Variants in BAIAP2L1 observed in about 807,000 individuals in gnomAD.
BAIAP2L1 encodes the protein BAR/IMD domain-containing adapter protein 2-like 1.
BAIAP2L1 carries 35 observed loss-of-function variants against 66.3 expected under a neutral mutation model. That is an observed-to-expected ratio of 0.53 (90% CI 0.40 to 0.70). The LOEUF (loss-of-function observed/expected upper bound fraction) is 0.70. BAIAP2L1 is among the 30% of genes least tolerant of loss of function. The pLI, the probability that BAIAP2L1 is intolerant of heterozygous loss-of-function variation, is 0.00. For missense variants in BAIAP2L1, 622 were observed against 656.9 expected (o/e 0.95, Z 0.58); for synonymous variants, 269 against 248.7 (o/e 1.08, Z -0.77).
chr7:98,332,809 C>CCAAAA (rs563501880), intron 3 of BAIAP2L1, among the ~76,000 whole-genome samples: 1 of 83,706 alleles, frequency 1.2e-5, no homozygotes, highest in African/African-American at 4.8e-5. Context: ...ACTTCGTCCC[C>CCAAAA]AAAAAAAAAA....
intron 12 of BAIAP2L1, among the ~76,000 whole-genome samples, chr7:98,302,305 A>C (rs1228357633): frequency 1.3e-5 from 2 of 152,214 alleles, no homozygotes; most frequent in Admixed American, 1.3e-4. Context: ...AAGACTATCC[A>C]GGGTTGGCCA....
chr7:98,314,655 A>G (rs969030879), intron 7 of BAIAP2L1, among the ~76,000 whole-genome samples: 4 of 152,160 alleles, frequency 2.6e-5, no homozygotes, highest in African/African-American at 9.7e-5. Context: ...AGAGGAATGA[A>G]CGCATCACTG....
chr7:98,366,936 G>A (rs1014511687), intron 1 of BAIAP2L1, among the ~76,000 whole-genome samples: 6 of 152,072 alleles, frequency 3.9e-5, no homozygotes, highest in Non-Finnish European at 7.3e-5. Flanking sequence ...CTGTCACACA[G>A]GCTGGCGTGC....
chr7:98,322,490 G>A (rs920321959), intron 3 of BAIAP2L1, among the ~76,000 whole-genome samples: 1 of 152,134 alleles, frequency 6.6e-6, no homozygotes, highest in Non-Finnish European at 1.5e-5. Context: ...ACAATCCCTT[G>A]GGGATAGGAG....
intron 1 of BAIAP2L1, among the ~76,000 whole-genome samples, chr7:98,378,118 C>A (rs570092424): frequency 6.6e-6 from 1 of 152,038 alleles, no homozygotes; most frequent in Non-Finnish European, 1.5e-5. Flanking sequence ...CATTGCACTC[C>A]AGCCTGGGTG....
In BAIAP2L1 at chr7:98,291,719, C is replaced by T. The variant is rs909001436; in HGVS notation, c.*1802G>A. The stretch of plus-strand genomic sequence containing the variant: ...ATTTACAGAGCAGGCACCTCGGTGC[C>T]AAGGACCAGGCCATGCCCGTTCTGG... On this transcript the variant is annotated 3_prime_UTR_variant, in exon 14 of 14. Coordinates refer to ENST00000005260, the MANE Select transcript of BAIAP2L1 (RefSeq NM_018842.5). The T allele has an allele frequency of 9.6e-6, 2 of 208,798 alleles. No individual in the cohort carries two copies. The highest frequency in any genetic ancestry group is 4.7e-5 in the African/African-American group (2 of 42,456). The allele number at this position is 208,798 out of a possible 1,614,324, so 12.9% of individuals were successfully genotyped here. A position where few individuals can be genotyped will look rare whatever the true frequency, so the allele number is the denominator to read the frequency against.
In BAIAP2L1 at chr7:98,304,251, G is replaced by C; in HGVS notation, c.1367C>G (p.Ala456Gly). Residue 456 changes from alanine (A) to glycine (G), a missense_variant, in exon 12 of 14, where the codon GCC (alanine) becomes GGC (glycine). Physicochemically the swap from Ala to Gly is moderately conservative, Grantham distance 60. Coordinates refer to ENST00000005260, the MANE Select transcript of BAIAP2L1 (RefSeq NM_018842.5). ...GGCCTTAAAGGTGGATGTCGTCCTG[G>C]CCGAATCTGCTCTCCTGTCGGCAGC... ...GAAADRRADS[A>G]RTTSTFKAPA... 1 of 1,613,458 alleles carries C rather than the reference G, an allele frequency of 6.2e-7. No individual in the cohort carries two copies. Among genetic ancestry groups the C allele is most frequent in the Middle Eastern group, 1.7e-4 (1 of 6,060 alleles).
chr7:98,334,436 TAACTCAAAAC>T (rs1801566809), intron 3 of BAIAP2L1, among the ~76,000 whole-genome samples: 1 of 152,178 alleles, frequency 6.6e-6, no homozygotes, highest in African/African-American at 2.4e-5. Flanking sequence ...TTTTTTTTAA[TAACTCAAAAC>T]CTTTTAGTCC....
chr7:98,307,766 T>C lies in BAIAP2L1; in HGVS notation c.1086A>G (p.Ala362=). The C allele has an allele frequency of 6.2e-7, 1 of 1,614,250 alleles. No individual in the cohort carries two copies. The highest frequency in any genetic ancestry group is 1.7e-5 in the Admixed American group (1 of 60,026). ...AGSNKTLLSF[A]QGDVITLLIP... is the part of the protein sequence containing the mutation. Reference sequence around the variant, plus strand: ...TGAGCAGCGTGATGACATCTCCCTGTGCAAAGCTGAGTAAGGTCTTGTTGG... The same window carrying C: ...TGAGCAGCGTGATGACATCTCCCTGCGCAAAGCTGAGTAAGGTCTTGTTGG... The change falls in exon 10 of 14, where the codon GCA becomes GCG. Residue 362 remains alanine, a synonymous_variant. Transcript: ENST00000005260.
rs750099451 is a variant in BAIAP2L1 at position 98,389,918 on chromosome 7, ATTT to A, written c.51+10881_51+10883del. On this transcript the variant is annotated intron_variant, in intron 1 of 13. Transcript: ENST00000005260. ...TGCACGTGTAGTCTTGGGTTAGTAA[ATTT>A]TTTTTTTTTTTTGAGAGGTAGTCTC... Among the ~76,000 whole-genome samples the A allele has an allele frequency of 6.9e-4, 90 of 129,796 alleles. 1 individual carries two copies. The highest frequency in any genetic ancestry group is 2.3e-3 in the African/African-American group (86 of 36,956). The allele number at this position is 129,796 out of a possible 152,430, so 85.2% of individuals were successfully genotyped here.
At chr7:98,337,233 C>A (rs921780239) in intron 3 of BAIAP2L1, among the ~76,000 whole-genome samples, 1 of 149,546 alleles carries the variant, frequency 6.7e-6, no homozygotes, top group Non-Finnish European at 1.5e-5. Context: ...TTTTCAGATA[C>A]CATTTTTTTT....
chr7:98,293,646 C>T, intron 13 of BAIAP2L1, 50 bp from the exon 14 acceptor site: 1 of 1,571,564 alleles, frequency 6.4e-7, no homozygotes, highest in Non-Finnish European at 8.8e-7. Context: ...ACGAGGGAAA[C>T]TGGATTTTAA....
intron 11 of BAIAP2L1, among the ~76,000 whole-genome samples, chr7:98,305,594 A>T (rs576288948): frequency 6.6e-6 from 1 of 151,808 alleles, no homozygotes; most frequent in East Asian, 1.9e-4. Flanking sequence ...CTAATTGTTT[A>T]TTTTTTTTGT....
intron 1 of BAIAP2L1, among the ~76,000 whole-genome samples, chr7:98,376,961 G>T (rs1004764881): frequency 6.6e-6 from 1 of 152,104 alleles, no homozygotes; most frequent in Non-Finnish European, 1.5e-5. Flanking sequence ...TTAAATAAAA[G>T]AGATTATCTT....
chr7:98,369,660 CTAATTTT>C (rs1802464182), intron 1 of BAIAP2L1, among the ~76,000 whole-genome samples: 2 of 137,528 alleles, frequency 1.5e-5, no homozygotes, highest in South Asian at 2.3e-4. Flanking sequence ...ATTTGATTTC[CTAATTTT>C]TTTTTTTTTT....
chr7:98,311,367 C>G (rs1236320753), intron 8 of BAIAP2L1, among the ~76,000 whole-genome samples: 5 of 150,918 alleles, frequency 3.3e-5, no homozygotes, highest in Admixed American at 1.3e-4. Context: ...CATGGTGAAA[C>G]CCGGTTTCCA....
chr7:98,307,498 T>C lies in BAIAP2L1; in HGVS notation c.1163+191A>G, dbSNP rs1800702586. 3.5e-6 allele frequency: 5 copies of C among 1,432,192 alleles called. No homozygotes were observed. The East Asian group carries it at 1.3e-4, about 36-fold the overall frequency. 88.7% of individuals were successfully genotyped at this position (1,432,192 alleles called of 1,614,324 possible). On this transcript the variant is annotated intron_variant, in intron 10 of 13. Transcript: ENST00000005260. ...CTAATAACTATGCATGCACCAAATG[T>C]ATCTCTACATGCACAGACATACAGA... is the stretch of plus-strand genomic sequence containing the variant.
rs181098421 is a variant in BAIAP2L1, at chr7:98,293,415, G to T, written c.*106C>A. 167 of 1,021,436 alleles carry T rather than the reference G, an allele frequency of 1.6e-4. 1 individual carries two copies. The African/African-American group carries it at 2.3e-3, about 14-fold the overall frequency. 63.3% of individuals were successfully genotyped at this position (1,021,436 alleles called of 1,614,324 possible). On this transcript the variant is annotated 3_prime_UTR_variant, in exon 14 of 14. Transcript: ENST00000005260. ...CTTAAGCAGGCGACATTAGAGTTAG[G>T]CCTCTCCACTGAAGCTTCCCGACCG...
At chr7:98,303,788 TA>T (rs1800523299) in intron 12 of BAIAP2L1, among the ~76,000 whole-genome samples, 1 of 151,956 alleles carries the variant, frequency 6.6e-6, no homozygotes, top group Non-Finnish European at 1.5e-5. Context: ...TGCCTGGGAG[TA>T]AAGACTTTCT....
Sources: allele counts gnomAD v4.1 joint callset (sites outside exome capture counted in the v4.1 genomes callset), GRCh38; gene constraint gnomAD v4.1.1; transcripts MANE v1.5; gene names NCBI Gene and HGNC (gene_info 2026-07-23, HGNC 2026-07-21).